Variants in TTLL11 observed in about 807,000 individuals in gnomAD.
TTLL11 encodes the protein tubulin polyglutamylase TTLL11.
Under a neutral mutation model 51.7 loss-of-function variants are expected in TTLL11, and 42 were observed. That is an observed-to-expected ratio of 0.81 (90% CI 0.64 to 1.05). The LOEUF is 1.05. Ranked by LOEUF, TTLL11 falls within the 50% of genes least tolerant of loss-of-function variation. TTLL11 has a pLI of 0.00. For synonymous variants in TTLL11, 381 were observed against 383.5 expected (o/e 0.99, Z 0.08); for missense variants, 799 against 940.4 (o/e 0.85, Z 1.97).
chr9:121,870,294 G>A (rs1489147933), intron 7 of TTLL11, among the ~76,000 whole-genome samples: 5 of 152,024 alleles, frequency 3.3e-5, no homozygotes, highest in African/African-American at 1.2e-4. Context: ...GTTGCAATGC[G>A]GTCACACCCA....
At position 122,092,859 on chromosome 9, in the gene TTLL11, T is replaced by C; in HGVS notation, c.290A>G (p.Gln97Arg). Residue 97 changes from glutamine (Q) to arginine (R), a missense_variant, in exon 1 of 9, where the codon CAG becomes CGG. By Grantham distance (43) the Gln-to-Arg change is conservative. Around this residue, in one of 3 missense-constraint regions of TTLL11, gnomAD observed 166 missense variants for 161.6 expected, o/e 1.03. Transcript: ENST00000321582. The stretch of plus-strand genomic sequence containing the variant: ...GGGCTTCCCGTGCGGGCAGAGGCCC[T>C]GCACCGGCTTCGGCTTGGACGGGGG... ...TLPPSKPKPV[Q>R]GLCPHGKPRD... 6.4e-7 allele frequency: 1 copy of C among 1,571,594 alleles called. No homozygotes were observed. The highest frequency in any genetic ancestry group is 8.6e-7 in the Non-Finnish European group (1 of 1,166,206).
At chr9:121,970,325 G>A (rs956133990) in intron 6 of TTLL11, among the ~76,000 whole-genome samples, 3 of 152,176 alleles carry the variant, frequency 2.0e-5, no homozygotes, top group African/African-American at 7.2e-5. Flanking sequence ...AGCTCCTATG[G>A]ATTAACTGGC....
rs762201169 is a variant in TTLL11, at chr9:121,821,406, T to G, written c.*1181A>C. Reference sequence around the variant, plus strand: ...CCTCGCTTGGAGCACGATGACTGACTCTTCCCAGGTTCCTCAGCATCCTTT... The same window carrying G: ...CCTCGCTTGGAGCACGATGACTGACGCTTCCCAGGTTCCTCAGCATCCTTT... On this transcript the variant is annotated 3_prime_UTR_variant, in exon 9 of 9. Transcript: ENST00000321582. The surrounding 1 kb of genome is among the most constrained non-coding windows in gnomAD (Gnocchi z 5.0). 3.3e-5 allele frequency among the ~76,000 whole-genome samples: 5 copies of G among 152,148 alleles called. No individual in the cohort carries two copies. The highest frequency in any genetic ancestry group is 7.2e-5 in the African/African-American group (3 of 41,448).
At chr9:122,036,207 C>T (rs1301639592) in intron 2 of TTLL11, among the ~76,000 whole-genome samples, 1 of 151,926 alleles carries the variant, frequency 6.6e-6, no homozygotes, top group Non-Finnish European at 1.5e-5. Context: ...TCTTTATAGC[C>T]CCAGAGCCCA....
chr9:122,039,339 G>A lies in TTLL11; in HGVS notation c.492C>T (p.Asp164=), dbSNP rs188697673. The A allele has an allele frequency of 1.2e-4, 189 of 1,614,072 alleles. 2 individuals are homozygous for A. The East Asian group carries it at 4.2e-3, about 36-fold the overall frequency. The stretch of plus-strand genomic sequence containing the variant: ...GAAATGAAACTCCATGCCAGTAGAT[G>A]TCACAAGGCAAGCGCCGGCCAAATG... The part of the protein sequence containing the change: ...EFPFGRRLPC[D]IYWHGVSFHD... Residue 164 remains aspartate, a synonymous_variant, in exon 2 of 9, where the codon GAC becomes GAT. Transcript: ENST00000321582.
At chr9:121,895,738 C>T (rs202071227) in intron 6 of TTLL11, among the ~76,000 whole-genome samples, 1 of 138 alleles carries the variant, frequency 7.2e-3, no homozygotes, top group Non-Finnish European at 0.017. Context: ...TATCTGTGTG[C>T]GTCCGTGTGG....
chr9:122,059,063 T>C (rs1845372830), intron 1 of TTLL11, among the ~76,000 whole-genome samples: 5 of 152,052 alleles, frequency 3.3e-5, no homozygotes. Flanking sequence ...CTGTGATAAA[T>C]CTGATGCTTT....
chr9:121,928,305 T>A (rs1040261893), intron 6 of TTLL11, among the ~76,000 whole-genome samples: 8 of 152,318 alleles, frequency 5.3e-5, no homozygotes, highest in African/African-American at 1.9e-4. Flanking sequence ...AAACTGCACC[T>A]ATTTAGTGTA....
intron 8 of TTLL11, among the ~76,000 whole-genome samples, chr9:121,846,998 C>A (rs923495976): frequency 6.6e-6 from 1 of 152,080 alleles, no homozygotes; most frequent in Non-Finnish European, 1.5e-5. Context: ...ATCACGAGGT[C>A]AAGAGATCAA....
chr9:121,961,050 A>C (rs1842203765), intron 6 of TTLL11, among the ~76,000 whole-genome samples: 1 of 152,186 alleles, frequency 6.6e-6, no homozygotes, highest in Non-Finnish European at 1.5e-5. Context: ...ACTGCCAAAC[A>C]CTTGGTGTGA....
rs1264287136 is a variant in TTLL11 at position 122,076,081 on chromosome 9, G to T, written c.462+16606C>A. Among the ~76,000 whole-genome samples the T allele has an allele frequency of 2.6e-5, 4 of 152,042 alleles. No homozygotes were observed. The East Asian group carries it at 5.8e-4, about 22-fold the overall frequency. On this transcript the variant is annotated intron_variant, in intron 1 of 8. Transcript: ENST00000321582. ...TGTGATGATACTCACCCTGAGGCTGGGTATCTTACAGTCTATGGGAAGAGA... is the reference window on the plus strand; with the variant it reads ...TGTGATGATACTCACCCTGAGGCTGTGTATCTTACAGTCTATGGGAAGAGA...
At chr9:121,883,254 C>T (rs1838867421) in intron 6 of TTLL11, among the ~76,000 whole-genome samples, 1 of 152,152 alleles carries the variant, frequency 6.6e-6, no homozygotes, top group South Asian at 2.1e-4. Context: ...CTCTGGTTCT[C>T]TTCTGTAAAA....
intron 6 of TTLL11, among the ~76,000 whole-genome samples, chr9:121,957,140 A>G (rs1260528341): frequency 6.6e-6 from 1 of 151,514 alleles, no homozygotes; most frequent in East Asian, 1.9e-4. Context: ...ACTCTCTCCC[A>G]CCCCAACCCC....
chr9:122,012,457 T>C (rs2131751952), intron 3 of TTLL11, among the ~76,000 whole-genome samples: 1 of 152,164 alleles, frequency 6.6e-6, no homozygotes, highest in South Asian at 2.1e-4. Context: ...AAAAGCATAT[T>C]AAAGCAGTGG....
chr9:121,865,379 C>T (rs1838147566), intron 7 of TTLL11, among the ~76,000 whole-genome samples: 1 of 152,114 alleles, frequency 6.6e-6, no homozygotes, highest in Admixed American at 6.6e-5. Context: ...CAGAAGCCAC[C>T]CAGTGGGAGA....
At chr9:122,091,640 C>T (rs1216313170) in intron 1 of TTLL11, among the ~76,000 whole-genome samples, 2 of 152,220 alleles carry the variant, frequency 1.3e-5, no homozygotes, top group Non-Finnish European at 2.9e-5. Context: ...CGAGCATCTA[C>T]CATAGCCAAG....
intron 1 of TTLL11, among the ~76,000 whole-genome samples, chr9:122,086,425 T>TTAAATATGG (rs1846127600): frequency 6.6e-6 from 1 of 152,228 alleles, no homozygotes; most frequent in African/African-American, 2.4e-5. Context: ...TATAGTGTTT[T>TTAAATATGG]TAAATATGGT....
intron 6 of TTLL11, among the ~76,000 whole-genome samples, chr9:121,917,267 G>A (rs1442502638): frequency 6.6e-6 from 1 of 151,606 alleles, no homozygotes; most frequent in East Asian, 1.9e-4. Context: ...CCAGAAGTTC[G>A]AGACCGCCTA....
intron 4 of TTLL11, among the ~76,000 whole-genome samples, chr9:121,982,926 A>G (rs1343353137): frequency 6.6e-6 from 1 of 152,144 alleles, no homozygotes; most frequent in East Asian, 1.9e-4. Flanking sequence ...TGTAAGTGCA[A>G]TGAAAAAGCC....
Sources: allele counts gnomAD v4.1 joint callset (sites outside exome capture counted in the v4.1 genomes callset), GRCh38; gene constraint gnomAD v4.1.1; regional missense constraint gnomAD v4.1.1; non-coding constraint Gnocchi (gnomAD v3.1); transcripts MANE v1.5; gene names NCBI Gene and HGNC (gene_info 2026-07-23, HGNC 2026-07-21).